Variants in CANX observed in about 807,000 individuals in gnomAD.
CANX encodes epididymis secretory sperm binding protein.
In CANX, 14 loss-of-function variants were observed where a neutral mutation model predicts 75.7. The ratio of observed to expected loss-of-function variants is 0.19; its 90% CI spans 0.12 to 0.29. The LOEUF is 0.29. Ranked by LOEUF, CANX falls within the 10% of genes least tolerant of loss-of-function variation. CANX has a pLI of 1.00. For synonymous variants in CANX, 227 were observed against 236.9 expected, an observed-to-expected ratio of 0.96 and a Z score of 0.38; for missense variants, 567 against 713.2, an observed-to-expected ratio of 0.79 and a Z score of 2.34.
Position 179,707,186 on chromosome 5 carries a change from T to C in CANX, c.300T>C (p.Tyr100=). 1 of 1,563,586 alleles carries C rather than the reference T, an allele frequency of 6.4e-7. No homozygotes were observed. The highest frequency in any genetic ancestry group is 1.1e-5 in the South Asian group (1 of 90,086). ...KDDTDDEIAK[Y]DGKWEVEEMK... ...ATACCGATGATGAAATTGCCAAATA[T>C]GATGGTGAGAATCCCATTTGGTTTA... Residue 100 remains tyrosine (Y), a synonymous_variant, in exon 4 of 15, where the codon TAT becomes TAC. Transcript: ENST00000247461.
intron 1 of CANX, among the ~76,000 whole-genome samples, chr5:179,692,960 G>A (rs1776323293): frequency 6.6e-6 from 1 of 151,590 alleles, no homozygotes; most frequent in Admixed American, 6.6e-5. Context: ...GCCTGGCCAA[G>A]AAGGTGAAAC....
intron 13 of CANX, among the ~76,000 whole-genome samples, chr5:179,725,866 T>C (rs938679648): frequency 2.7e-5 from 4 of 150,298 alleles, no homozygotes; most frequent in Non-Finnish European, 5.9e-5. Flanking sequence ...CGGGCGCCTG[T>C]AGTCCCACCT....
chr5:179,690,696 C>T (rs1380930335), intron 1 of CANX, among the ~76,000 whole-genome samples: 1 of 151,574 alleles, frequency 6.6e-6, no homozygotes, highest in Non-Finnish European at 1.5e-5. Flanking sequence ...TGGAGACCAG[C>T]CTGACTTACA....
At chr5:179,688,103 G>A (rs550472442) in intron 1 of CANX, among the ~76,000 whole-genome samples, 79 of 149,914 alleles carry the variant, frequency 5.3e-4, no homozygotes, top group Non-Finnish European at 2.7e-4. Context: ...CTGTTGCCAG[G>A]CTGGAGTGCA....
At chr5:179,708,478 A>G (rs1312669133) in intron 5 of CANX, 98 bp downstream of exon 5, 29 of 1,132,498 alleles carry the variant, frequency 2.6e-5, no homozygotes, top group East Asian at 2.3e-4. Flanking sequence ...ATGAGATTAT[A>G]TAAGTGGTGG....
chr5:179,718,248 C>T (rs1025664313), intron 8 of CANX, among the ~76,000 whole-genome samples: 1 of 152,094 alleles, frequency 6.6e-6, no homozygotes, highest in Non-Finnish European at 1.5e-5. Context: ...ACGATCTCGT[C>T]TCATTGCAAC....
At chr5:179,709,672 T>G in intron 6 of CANX, 1 of 434,202 alleles carries the variant, frequency 2.3e-6, no homozygotes, top group Non-Finnish European at 4.1e-6. Context: ...TTACTTTTTT[T>G]TAGACACTTA....
rs748945692 is a variant in CANX at position 179,724,713 on chromosome 5, G to A, written c.1575G>A (p.Lys525=). The A allele has an allele frequency of 1.6e-5, 25 of 1,612,846 alleles. No individual in the cohort carries two copies. Among genetic ancestry groups the A allele is most frequent in the Non-Finnish European group, 2.1e-5 (25 of 1,178,842 alleles). Residue 525 remains lysine, a synonymous_variant, in exon 13 of 15, where the codon AAG becomes AAA. Coordinates refer to ENST00000247461, the MANE Select transcript of CANX (RefSeq NM_001746.4). ...CTGATGCACCTCAACCGGATGTGAA[G>A]GAAGAGGAAGAAGAGAAGGAAGAGG... ...KKTDAPQPDV[K]EEEEEKEEEK...
intron 1 of CANX, among the ~76,000 whole-genome samples, chr5:179,682,310 C>G (rs2113025517): frequency 6.6e-6 from 1 of 150,874 alleles, no homozygotes; most frequent in East Asian, 2.0e-4. Context: ...GGCACGGTGG[C>G]TCACGCCTGT....
intron 1 of CANX, among the ~76,000 whole-genome samples, chr5:179,680,640 GA>G (rs1472818464): frequency 1.3e-5 from 2 of 152,162 alleles, no homozygotes; most frequent in East Asian, 3.9e-4. Context: ...CCAAAGTCCA[GA>G]TAACAGACAA....
chr5:179,720,261 T>G (rs1397984516), intron 9 of CANX, 143 bp from the exon 10 acceptor site: 1 of 485,182 alleles, frequency 2.1e-6, no homozygotes, highest in Non-Finnish European at 3.7e-6. Context: ...CCTGAAAAAC[T>G]GTTATTACTG....
chr5:179,727,438 AC>A (rs1778735609), intron 14 of CANX, among the ~76,000 whole-genome samples: 2 of 152,242 alleles, frequency 1.3e-5, no homozygotes, highest in Non-Finnish European at 2.9e-5. Context: ...GAGGTAGAGA[AC>A]TTTTCCATGG....
intron 1 of CANX, among the ~76,000 whole-genome samples, chr5:179,684,427 C>T (rs1581814544): frequency 6.7e-6 from 1 of 150,188 alleles, no homozygotes; most frequent in African/African-American, 2.5e-5. Flanking sequence ...GCAAGCTCCA[C>T]CTCCCGGGTT....
At chr5:179,717,761 G>A (rs1362532632) in intron 8 of CANX, among the ~76,000 whole-genome samples, 1 of 151,716 alleles carries the variant, frequency 6.6e-6, no homozygotes, top group East Asian at 1.9e-4. Context: ...TGTCGCCCAG[G>A]CTGGAGTGCA....
intron 1 of CANX, among the ~76,000 whole-genome samples, chr5:179,682,164 A>G (rs879895563): frequency 6.0e-5 from 9 of 150,864 alleles, no homozygotes; most frequent in Non-Finnish European, 1.3e-4. Flanking sequence ...AGGCAGGAGA[A>G]TTGCTTGAAC....
At chr5:179,687,961 G>T (rs1368538928) in intron 1 of CANX, among the ~76,000 whole-genome samples, 1 of 151,870 alleles carries the variant, frequency 6.6e-6, no homozygotes, top group Non-Finnish European at 1.5e-5. Flanking sequence ...CTTAAACCCA[G>T]GAGGTGGACG....
chr5:179,681,964 AG>A (rs1562429077), intron 1 of CANX, among the ~76,000 whole-genome samples: 2 of 146,458 alleles, frequency 1.4e-5, no homozygotes, highest in African/African-American at 5.0e-5. Context: ...AAAAAAAAAA[AG>A]AGGGCCAGGC....
At chr5:179,691,938 C>T (rs982034531) in intron 1 of CANX, among the ~76,000 whole-genome samples, 49 of 151,548 alleles carry the variant, frequency 3.2e-4, no homozygotes, top group Admixed American at 2.3e-3. Context: ...CCACCACGCC[C>T]GGCTAATTTT....
chr5:179,712,948 T>C (rs1407752683), intron 7 of CANX, among the ~76,000 whole-genome samples: 1 of 150,818 alleles, frequency 6.6e-6, no homozygotes, highest in East Asian at 1.9e-4. Flanking sequence ...TTTCTGTTTT[T>C]AGTAGAGACC....
Sources: allele counts gnomAD v4.1 joint callset (sites outside exome capture counted in the v4.1 genomes callset), GRCh38; gene constraint gnomAD v4.1.1; transcripts MANE v1.5; gene names NCBI Gene and HGNC (gene_info 2026-07-23, HGNC 2026-07-21).